The following UVRAG variants were observed in gnomAD, a reference collection of about 807,000 sequenced individuals.
The protein encoded by UVRAG is UV radiation resistance-associated gene protein.
In UVRAG, 19 loss-of-function variants were observed where a neutral mutation model predicts 78.0. That is an observed-to-expected ratio of 0.24 (90% confidence interval 0.17 to 0.36). UVRAG has a LOEUF of 0.36. Ranked by LOEUF, UVRAG falls within the 10% of genes least tolerant of loss-of-function variation. The probability of loss-of-function intolerance (pLI) is 1.00; values close to 1 mark genes in which losing one functional copy is unlikely to be tolerated. For synonymous variants in UVRAG, 323 were observed against 324.6 expected (o/e 1.00, Z 0.05); for missense variants, 740 against 853.8 (o/e 0.87, Z 1.66).
chr11:75,877,963 A>AC (rs1276395035), intron 3 of UVRAG, among the ~76,000 whole-genome samples: 5 of 120,676 alleles, frequency 4.1e-5, no homozygotes, highest in Admixed American at 8.4e-5. Flanking sequence ...GTGGGGGCTG[A>AC]CCCCCACCTC....
chr11:76,137,701 C>A, intron 14 of UVRAG: 3 of 346,174 alleles, frequency 8.7e-6, no homozygotes, highest in South Asian at 6.9e-5. Context: ...GAGTTTGAGA[C>A]CAGTGTGTGC....
intron 14 of UVRAG, among the ~76,000 whole-genome samples, chr11:76,121,370 C>G (rs1366755691): frequency 1.3e-5 from 2 of 152,190 alleles, no homozygotes; most frequent in Non-Finnish European, 2.9e-5. Flanking sequence ...AGCAGAATTT[C>G]AGCTTAGAAT....
At chr11:75,961,625 T>G (rs1948912875) in intron 7 of UVRAG, 76 bp downstream of exon 7, 1 of 1,152,700 alleles carries the variant, frequency 8.7e-7, no homozygotes, top group African/African-American at 1.6e-5. Flanking sequence ...AGGGTTAATT[T>G]TAAAAAACGC....
intron 13 of UVRAG, among the ~76,000 whole-genome samples, chr11:76,089,016 A>T (rs1424353817): frequency 6.6e-6 from 1 of 152,244 alleles, no homozygotes; most frequent in Non-Finnish European, 1.5e-5. Context: ...AGGTTTGCAC[A>T]TGCATGATAG....
chr11:76,095,870 C>CAAAAAAAA lies in UVRAG; in HGVS notation c.1306-20039_1306-20032dup, dbSNP rs747792893. Reference sequence around the variant, plus strand: ...TGGGCAACAGGGCAAGACTCTGTCTCAAAAAAAAAAAAAAAAAAAAAAGCC... The same window carrying CAAAAAAAA: ...TGGGCAACAGGGCAAGACTCTGTCTCAAAAAAAAAAAAAAAAAAAAAAAAAAAAAAGCC... On this transcript the variant is annotated intron_variant, in intron 13 of 14. Transcript: ENST00000356136. Among the ~76,000 whole-genome samples, 119 of 45,944 alleles carry CAAAAAAAA rather than the reference C, an allele frequency of 2.6e-3. 3 individuals are homozygous for CAAAAAAAA. Among genetic ancestry groups the CAAAAAAAA allele is most frequent in the Admixed American group, 0.02 (90 of 4,402 alleles). The allele number at this position is 45,944 out of a possible 152,430, so 30.1% of individuals were successfully genotyped here. A position where few individuals can be genotyped will look rare whatever the true frequency, so the allele number is the denominator to read the frequency against.
chr11:75,874,564 ATTTAC>A (rs1238412631), intron 3 of UVRAG, among the ~76,000 whole-genome samples: 8 of 152,252 alleles, frequency 5.3e-5, no homozygotes, highest in African/African-American at 1.9e-4. Flanking sequence ...AAATTGTCTT[ATTTAC>A]TTCATGTGGA....
At chr11:76,020,430 C>G (rs1382566495) in intron 12 of UVRAG, among the ~76,000 whole-genome samples, 2 of 152,044 alleles carry the variant, frequency 1.3e-5, no homozygotes, top group Non-Finnish European at 2.9e-5. Flanking sequence ...GGCCCAAGGG[C>G]TTTTTGGTCA....
rs570872297 is a variant in UVRAG at position 76,049,317 on chromosome 11, A to G, written c.1227-16393A>G. Among the ~76,000 whole-genome samples the G allele has an allele frequency of 3.9e-5, 6 of 152,340 alleles. No individual in the cohort carries two copies. In the East Asian group the frequency reaches 1.2e-3, roughly 29 times the overall value. The stretch of plus-strand genomic sequence containing the variant: ...CCCCAAAAGCAATAATGTATATAAT[A>G]TTGTTAATAGGACTATGGAAGTTAC... On this transcript the variant is annotated intron_variant, in intron 12 of 14. Coordinates refer to ENST00000356136, the MANE Select transcript of UVRAG (RefSeq NM_003369.4).
At chr11:76,127,957 C>CA (rs75226887) in intron 14 of UVRAG, among the ~76,000 whole-genome samples, 48 of 137,718 alleles carry the variant, frequency 3.5e-4, no homozygotes, top group South Asian at 7.1e-4. Context: ...GACCCCATCT[C>CA]AAAAAAAAAA....
chr11:75,827,193 C>G (rs1329809356), intron 1 of UVRAG, among the ~76,000 whole-genome samples: 1 of 150,518 alleles, frequency 6.6e-6, no homozygotes, highest in Non-Finnish European at 1.5e-5. Flanking sequence ...GAGAATCAGG[C>G]TTATGATCTG....
chr11:76,137,605 A>G (rs1243023191), intron 14 of UVRAG: 2 of 376,354 alleles, frequency 5.3e-6, no homozygotes, highest in African/African-American at 4.2e-5. Flanking sequence ...CATTCTTAAG[A>G]GAGACCATTT....
chr11:76,095,505 C>T (rs1034413746), intron 13 of UVRAG, among the ~76,000 whole-genome samples: 1 of 150,718 alleles, frequency 6.6e-6, no homozygotes, highest in East Asian at 1.9e-4. Context: ...ATATATGTCT[C>T]ATATATCATA....
chr11:76,019,302 G>A (rs566793748), intron 12 of UVRAG, among the ~76,000 whole-genome samples: 13 of 152,214 alleles, frequency 8.5e-5, no homozygotes, highest in African/African-American at 2.9e-4. Flanking sequence ...TTCTCTGTCC[G>A]AAAGATCACA....
At chr11:76,116,550 G>A (rs760538447) in intron 14 of UVRAG, among the ~76,000 whole-genome samples, 4 of 152,220 alleles carry the variant, frequency 2.6e-5, no homozygotes, top group Admixed American at 1.3e-4. Flanking sequence ...AAAGTGCTCC[G>A]TCAGGATAGA....
intron 5 of UVRAG, among the ~76,000 whole-genome samples, chr11:75,892,151 C>T (rs1358246285): frequency 3.9e-5 from 6 of 152,094 alleles, no homozygotes; most frequent in African/African-American, 1.4e-4. Flanking sequence ...AGCCTCCAAG[C>T]CAGAAGCAAA....
At chr11:76,004,822 T>C (rs1285201118) in intron 9 of UVRAG, among the ~76,000 whole-genome samples, 3 of 152,146 alleles carry the variant, frequency 2.0e-5, no homozygotes, top group African/African-American at 7.2e-5. Context: ...ATTCTTTTGC[T>C]TAACTTTCAA....
Position 76,110,211 on chromosome 11 carries a change from C to CATATATATATATAT in UVRAG, c.1306-5706_1306-5693dup, listed in dbSNP as rs10526191. ...GTGGAGAATATATATATATCTGGTA[C>CATATATATATATAT]ATATATATATATATATATATGTATT... is the stretch of plus-strand genomic sequence containing the variant. On this transcript the variant is annotated intron_variant, in intron 13 of 14. Coordinates refer to ENST00000356136, the MANE Select transcript of UVRAG (RefSeq NM_003369.4). 8.7e-3 allele frequency among the ~76,000 whole-genome samples: 1,182 copies of CATATATATATATAT among 136,604 alleles called. 28 individuals are homozygous for CATATATATATATAT. Among genetic ancestry groups the CATATATATATATAT allele is most frequent in the African/African-American group, 0.029 (975 of 33,654 alleles). 89.6% of individuals were successfully genotyped at this position (136,604 alleles called of 152,430 possible).
intron 12 of UVRAG, 52 bp from the exon 13 acceptor site, chr11:76,065,658 G>T: frequency 6.4e-7 from 1 of 1,554,910 alleles, no homozygotes; most frequent in Non-Finnish European, 8.9e-7. Context: ...CAACTTGGAG[G>T]TTGTATTTAC....
intron 9 of UVRAG, among the ~76,000 whole-genome samples, chr11:76,005,006 A>G (rs1280399359): frequency 6.6e-6 from 1 of 152,050 alleles, no homozygotes; most frequent in Non-Finnish European, 1.5e-5. Flanking sequence ...AAATCCATCC[A>G]TCATGCACTT....
Sources: gnomAD v4.1 joint callset for allele counts (sites outside exome capture counted in the v4.1 genomes callset) on GRCh38, gnomAD v4.1.1 for gene constraint, MANE v1.5 for transcripts, NCBI Gene and HGNC (gene_info 2026-07-23, HGNC 2026-07-21) for gene names.